The following DENND2B variants were observed in gnomAD, a reference collection of about 807,000 sequenced individuals.
DENND2B encodes DENN domain containing 2B.
A neutral mutation model predicts 116.0 loss-of-function variants in DENND2B; 32 were observed. The ratio of observed to expected loss-of-function variants is 0.28; its 90% CI spans 0.21 to 0.37. The LOEUF (loss-of-function observed/expected upper bound fraction) is 0.37, where lower values mean the gene tolerates loss of function less well. DENND2B is among the 10% of genes least tolerant of loss of function. The pLI, the probability that DENND2B is intolerant of heterozygous loss-of-function variation, is 1.00. For synonymous variants in DENND2B, 588 were observed against 583.9 expected, an observed-to-expected ratio of 1.01 and a Z score of -0.10; for missense variants, 1,276 against 1,477.7, an observed-to-expected ratio of 0.86 and a Z score of 2.24.
At chr11:8,776,160 G>GCGCGCACACACACACACACACACA (rs1555185787) in intron 1 of DENND2B, 11 of 390,304 alleles carry the variant, frequency 2.8e-5, no homozygotes, top group Non-Finnish European at 4.9e-5. Context: ...GCGCGCGCGC[G>GCGCGCACACACACACACACACACA]CACACACACA....
chr11:8,749,230 G>A (rs1391608037), intron 2 of DENND2B, among the ~76,000 whole-genome samples: 1 of 152,124 alleles, frequency 6.6e-6, no homozygotes, highest in Non-Finnish European at 1.5e-5. Flanking sequence ...TTTCTACCTT[G>A]GACACCAACA....
At chr11:8,710,537 T>C (rs1447459141) in intron 11 of DENND2B, among the ~76,000 whole-genome samples, 1 of 151,544 alleles carries the variant, frequency 6.6e-6, no homozygotes, top group Non-Finnish European at 1.5e-5. Flanking sequence ...CCAAGGGAAA[T>C]GACGAAAAAG....
rs137996775 is a variant in DENND2B at position 8,696,435 on chromosome 11, C to A, written c.3284G>T (p.Arg1095Leu). 2 of 1,614,126 alleles carry A rather than the reference C, an allele frequency of 1.2e-6. No homozygotes were observed. Residue 1095 changes from arginine (R) to leucine (L), a missense_variant, in exon 18 of 20, where the codon CGG becomes CTG. Physicochemically the swap from Arg to Leu is moderately radical, Grantham distance 102. Coordinates refer to ENST00000313726, the MANE Select transcript of DENND2B (RefSeq NM_213618.2). ...FIQDRELRKC[R>L]AKGLFEQRVE... ...TGATAACCAAGACTTACCCTTTGCC[C>A]GACACTTTCTTAGCTCCCTGTCTTG...
chr11:8,750,064 C>T (rs2052073173), intron 2 of DENND2B, among the ~76,000 whole-genome samples: 2 of 152,302 alleles, frequency 1.3e-5, no homozygotes, highest in Admixed American at 6.5e-5. Flanking sequence ...AAGATAACTA[C>T]TATTATTATT....
chr11:8,711,736 G>A (rs935319021), intron 9 of DENND2B, among the ~76,000 whole-genome samples: 2 of 152,090 alleles, frequency 1.3e-5, no homozygotes, highest in African/African-American at 2.4e-5. Context: ...GAGTGGTGGC[G>A]CATGCCTGTA....
At chr11:8,715,896 A>C in intron 5 of DENND2B, 78 bp from the exon 6 acceptor site, 2 of 1,386,784 alleles carry the variant, frequency 1.4e-6, no homozygotes, top group South Asian at 2.8e-5. Context: ...GGATGGGGAC[A>C]CAGAGGCCAA....
chr11:8,771,870 C>T (rs1206424111), intron 1 of DENND2B: 1 of 152,220 alleles, frequency 6.6e-6, no homozygotes, highest in African/African-American at 2.4e-5. Context: ...GAAACAAACT[C>T]TAGCAATGAC....
chr11:8,695,670 G>A lies in DENND2B; in HGVS notation c.3293-121C>T, dbSNP rs571779412. 1.5e-5 allele frequency: 12 copies of A among 825,160 alleles called. No homozygotes were observed. The South Asian group carries it at 1.9e-4, about 13-fold the overall frequency. 51.1% of individuals were successfully genotyped at this position (825,160 alleles called of 1,614,324 possible). ...AAAGGAGAAAGAAAACATCTGGGAT[G>A]ATAATTTGCAGGAGCATCTTACTAG... On this transcript the variant is annotated intron_variant, in intron 18 of 19. Coordinates refer to ENST00000313726, the MANE Select transcript of DENND2B (RefSeq NM_213618.2).
At chr11:8,851,788 TA>T (rs1429515853) in intron 3 of DENND2B, among the ~76,000 whole-genome samples, 1 of 152,240 alleles carries the variant, frequency 6.6e-6, no homozygotes, top group Non-Finnish European at 1.5e-5. Flanking sequence ...ATTTTGTGAA[TA>T]TTTTTTAATT....
At chr11:8,859,433 G>T (rs1229406156) in intron 2 of DENND2B, among the ~76,000 whole-genome samples, 1 of 151,974 alleles carries the variant, frequency 6.6e-6, no homozygotes, top group South Asian at 2.1e-4. Flanking sequence ...TCAGCCTCCC[G>T]AGTAGCTGGG....
intron 1 of DENND2B, among the ~76,000 whole-genome samples, chr11:8,754,261 A>C (rs533052377): frequency 1.3e-5 from 2 of 152,354 alleles, no homozygotes; most frequent in East Asian, 3.9e-4. Flanking sequence ...AATTAGACAA[A>C]GGATTTGGAA....
chr11:8,731,203 C>CT lies in DENND2B; in HGVS notation c.86dup (p.Ser30ValfsTer20). ...AGAGAACTGGAGGTGGAGAGACTGA[C>CT]TGAGACCTGGGGGCAAAACAAAACA... On this transcript the variant is annotated frameshift_variant, in exon 3 of 20. Transcript: ENST00000313726. LOFTEE classifies it high-confidence loss of function. The CT allele has an allele frequency of 6.7e-7, 1 of 1,498,864 alleles. No homozygotes were observed. The highest frequency in any genetic ancestry group is 8.9e-7 in the Non-Finnish European group (1 of 1,124,390). The allele number at this position is 1,498,864 out of a possible 1,614,324, so 92.8% of individuals were successfully genotyped here. A position where few individuals can be genotyped will look rare whatever the true frequency, so the allele number is the denominator to read the frequency against.
rs2061647543 is a variant in DENND2B at position 8,818,268 on chromosome 11, A to T, written c.-114-6933T>A. 2.0e-5 allele frequency among the ~76,000 whole-genome samples: 3 copies of T among 149,598 alleles called. No individual in the cohort carries two copies. The South Asian group carries it at 6.5e-4, about 32-fold the overall frequency. ...ACACAGTGAGACTCTGTCTCTAATA[A>T]TAATAATAATAATAATAGGCTTTCC... On this transcript the variant is annotated intron_variant, in intron 4 of 6. Transcript: ENST00000524757.
rs201693983 is a variant in DENND2B at position 8,755,830 on chromosome 11, G to GTGA, written c.-25-5108_-25-5106dup. ...TATTAATAGCATAACATTAGTGATG[G>GTGA]TGATGATGATGATGATGATAAAGTC... On this transcript the variant is annotated intron_variant, in intron 1 of 19. Coordinates refer to ENST00000313726, the MANE Select transcript of DENND2B (RefSeq NM_213618.2). 5.4e-4 allele frequency among the ~76,000 whole-genome samples: 82 copies of GTGA among 152,134 alleles called. No homozygotes were observed. The East Asian group carries it at 7.3e-3, about 14-fold the overall frequency.
intron 3 of DENND2B, among the ~76,000 whole-genome samples, chr11:8,847,549 A>T (rs993162800): frequency 6.6e-6 from 1 of 152,240 alleles, no homozygotes; most frequent in African/African-American, 2.4e-5. Context: ...AAAGGGTATA[A>T]GCAGTCAAAG....
intron 1 of DENND2B, among the ~76,000 whole-genome samples, chr11:8,756,242 A>T (rs4929934): frequency 6.6e-6 from 1 of 151,990 alleles, no homozygotes; most frequent in Non-Finnish European, 1.5e-5. Flanking sequence ...CTTTCCCTGA[A>T]TTTCTGCTTT....
At chr11:8,869,673 A>C (rs1426205265) in intron 2 of DENND2B, among the ~76,000 whole-genome samples, 2 of 151,990 alleles carry the variant, frequency 1.3e-5, no homozygotes, top group Non-Finnish European at 2.9e-5. Context: ...AAAAAGAAAA[A>C]AATTTTTTAA....
intron 2 of DENND2B, among the ~76,000 whole-genome samples, chr11:8,747,815 C>A (rs2134026813): frequency 6.6e-6 from 1 of 152,164 alleles, no homozygotes; most frequent in East Asian, 1.9e-4. Context: ...CACATTCCTG[C>A]CAAATCAAGA....
At chr11:8,845,368 T>C (rs1226066216) in intron 3 of DENND2B, 1 of 152,194 alleles carries the variant, frequency 6.6e-6, no homozygotes, top group African/African-American at 2.4e-5. Flanking sequence ...TAAATTTTGC[T>C]ATAGCAATAT....
Sources: allele counts gnomAD v4.1 joint callset (sites outside exome capture counted in the v4.1 genomes callset), GRCh38; gene constraint gnomAD v4.1.1; transcripts MANE v1.5; gene names NCBI Gene and HGNC (gene_info 2026-07-23, HGNC 2026-07-21).